The following NEXMIF variants were observed in gnomAD, a reference collection of about 807,000 sequenced individuals.
NEXMIF encodes XLMR protein related to neurite extension.
Under a neutral mutation model 62.1 loss-of-function variants are expected in NEXMIF, and 8 were observed. The observed-to-expected ratio is 0.13, with a 90% CI of 0.08 to 0.23. The LOEUF is 0.23. Ranked by LOEUF, NEXMIF falls within the 10% of genes least tolerant of loss-of-function variation. The pLI, the probability that NEXMIF is intolerant of heterozygous loss-of-function variation, is 1.00. For synonymous variants in NEXMIF, 404 were observed against 416.6 expected, an observed-to-expected ratio of 0.97 and a Z score of 0.37; for missense variants, 976 against 1,113.3, an observed-to-expected ratio of 0.88 and a Z score of 1.75.
chrX:74,888,034 C>T (rs893107772), intron 1 of NEXMIF, among the ~76,000 whole-genome samples: 6 of 109,157 alleles, frequency 5.5e-5, no homozygotes, highest in South Asian at 4.0e-4. Context: ...CAAACTATCA[C>T]AAGGACAAAA....
chrX:74,745,283 A>C (rs1207795399), intron 2 of NEXMIF, among the ~76,000 whole-genome samples: 1 of 110,741 alleles, frequency 9.0e-6, no homozygotes, highest in Non-Finnish European at 1.9e-5. Context: ...GCGCCCGGCC[A>C]CTCTAGAAGT....
At chrX:74,905,701 T>C (rs1398774393) in intron 1 of NEXMIF, among the ~76,000 whole-genome samples, 3 of 109,976 alleles carry the variant, frequency 2.7e-5, no homozygotes. Flanking sequence ...TCCCAGCTAC[T>C]TGGGAGGTTG....
chrX:74,780,061 T>A (rs1374146982), intron 1 of NEXMIF, among the ~76,000 whole-genome samples: 1 of 112,512 alleles, frequency 8.9e-6, no homozygotes, highest in African/African-American at 3.2e-5. Flanking sequence ...CCAAAGCCAG[T>A]CTGCTGTAAT....
rs769822490 is a variant in NEXMIF at position 74,743,537 on chromosome X, G to C, written c.1020C>G (p.Ser340Arg). 2 of 1,209,189 alleles carry C rather than the reference G, an allele frequency of 1.7e-6. No individual in the cohort carries two copies. Among genetic ancestry groups the C allele is most frequent in the Non-Finnish European group, 1.1e-6 (1 of 894,982 alleles). Residue 340 changes from serine to arginine, a missense_variant, in exon 3 of 4, where the codon AGC becomes AGG. By Grantham distance (110) the Ser-to-Arg change is moderately radical. Around this residue, in one of 5 missense-constraint regions of NEXMIF, gnomAD observed 639 missense variants for 694.5 expected, o/e 0.92. Coordinates refer to ENST00000055682, the MANE Select transcript of NEXMIF (RefSeq NM_001008537.3). ...QEDAQFNFFP[S>R]VFTTCPKRES... Reference sequence around the variant, plus strand: ...CTCGCTTGGGGCAGGTAGTAAAGACGCTGGGAAAAAAGTTGAATTGGGCAT... The same window carrying C: ...CTCGCTTGGGGCAGGTAGTAAAGACCCTGGGAAAAAAGTTGAATTGGGCAT...
intron 3 of NEXMIF, 140 bp downstream of exon 3, chrX:74,739,960 A>G: frequency 5.6e-6 from 3 of 534,377 alleles, no homozygotes; most frequent in Non-Finnish European, 8.8e-6. Flanking sequence ...TTTTCTTTTT[A>G]CTTTGAAAAA....
intron 1 of NEXMIF, among the ~76,000 whole-genome samples, chrX:74,802,985 G>A (rs1463854245): frequency 2.7e-5 from 3 of 109,984 alleles, no homozygotes; most frequent in East Asian, 2.9e-4. Context: ...TTGTGAGCTC[G>A]AAGACAGGCT....
chrX:74,771,824 T>C (rs771692132), intron 1 of NEXMIF, among the ~76,000 whole-genome samples: 1 of 108,767 alleles, frequency 9.2e-6, no homozygotes, highest in South Asian at 3.8e-4. Flanking sequence ...TCTCACTCTG[T>C]GTGTGTGTGT....
intron 1 of NEXMIF, among the ~76,000 whole-genome samples, chrX:74,749,193 C>T (rs756070503): frequency 1.8e-5 from 2 of 110,769 alleles, no homozygotes; most frequent in Admixed American, 9.6e-5. Flanking sequence ...TCTAGAGAGG[C>T]GGGAGATTTG....
chrX:74,820,775 C>A (rs746128885), intron 1 of NEXMIF, among the ~76,000 whole-genome samples: 2 of 111,715 alleles, frequency 1.8e-5, no homozygotes, highest in Non-Finnish European at 3.8e-5. Flanking sequence ...TTTCCTAATG[C>A]AAAACCAAAT....
chrX:74,919,010 A>T (rs990227317), intron 1 of NEXMIF, among the ~76,000 whole-genome samples: 6 of 112,600 alleles, frequency 5.3e-5, no homozygotes, highest in Admixed American at 9.4e-5. Flanking sequence ...TTGCCTGTGC[A>T]CTTCTCAAAC....
At chrX:74,836,447 T>C (rs1005108110) in intron 1 of NEXMIF, among the ~76,000 whole-genome samples, 1 of 112,309 alleles carries the variant, frequency 8.9e-6, no homozygotes, top group Non-Finnish European at 1.9e-5. Context: ...CACAGCATAC[T>C]ACTAGGGTAT....
At chrX:74,884,176 A>G (rs2080679447) in intron 1 of NEXMIF, among the ~76,000 whole-genome samples, 1 of 112,208 alleles carries the variant, frequency 8.9e-6, no homozygotes, top group Admixed American at 9.5e-5. Context: ...AACCAGTACC[A>G]GCCACTGCAA....
intron 1 of NEXMIF, among the ~76,000 whole-genome samples, chrX:74,856,338 A>T (rs1239033775): frequency 2.7e-5 from 3 of 111,930 alleles, no homozygotes; most frequent in African/African-American, 9.7e-5. Context: ...AGAAGAAAGC[A>T]TCAGTGAACT....
Position 74,735,375 on chromosome X carries a change from T to A in NEXMIF, c.*4030A>T, listed in dbSNP as rs2080082571. 8.9e-6 allele frequency: 1 copy of A among 111,838 alleles called. No homozygotes were observed. Among genetic ancestry groups the A allele is most frequent in the Non-Finnish European group, 1.9e-5 (1 of 53,208 alleles). 9.2% of individuals were successfully genotyped at this position (111,838 alleles called of 1,213,427 possible). A position where few individuals can be genotyped will look rare whatever the true frequency, so the allele number is the denominator to read the frequency against. ...TGGATCTACATCACACTGGTCCAGCTTGGTAATAGCAAGCATGGCTAAAAG... is the reference window on the plus strand; with the variant it reads ...TGGATCTACATCACACTGGTCCAGCATGGTAATAGCAAGCATGGCTAAAAG... On this transcript the variant is annotated 3_prime_UTR_variant, in exon 4 of 4. Coordinates refer to ENST00000055682, the MANE Select transcript of NEXMIF (RefSeq NM_001008537.3).
At chrX:74,753,717 A>T (rs756307689) in intron 1 of NEXMIF, among the ~76,000 whole-genome samples, 2 of 97,583 alleles carry the variant, frequency 2.0e-5, no homozygotes, top group African/African-American at 8.2e-5. Context: ...ACACACACGC[A>T]CACACACACA....
chrX:74,801,273 TATA>T (rs1325482321), intron 1 of NEXMIF, among the ~76,000 whole-genome samples: 1 of 112,181 alleles, frequency 8.9e-6, no homozygotes, highest in Non-Finnish European at 1.9e-5. Context: ...ATAATGCTAC[TATA>T]AACACTCGTG....
intron 1 of NEXMIF, among the ~76,000 whole-genome samples, chrX:74,823,824 T>C (rs781766855): frequency 9.0e-6 from 1 of 111,284 alleles, no homozygotes; most frequent in South Asian, 3.8e-4. Flanking sequence ...ACGTTAACAT[T>C]TGGGAAATCT....
intron 1 of NEXMIF, among the ~76,000 whole-genome samples, chrX:74,812,447 C>T (rs1425375986): frequency 8.9e-6 from 1 of 111,735 alleles, no homozygotes; most frequent in Non-Finnish European, 1.9e-5. Flanking sequence ...AATCTTTAAT[C>T]TTCATCGTGT....
At chrX:74,860,945 T>G (rs1249177297) in intron 1 of NEXMIF, among the ~76,000 whole-genome samples, 1 of 110,625 alleles carries the variant, frequency 9.0e-6, no homozygotes, top group Non-Finnish European at 1.9e-5. Context: ...TAACAAAAGA[T>G]CAACAAAACC....
Sources: allele counts gnomAD v4.1 joint callset (sites outside exome capture counted in the v4.1 genomes callset), GRCh38; gene constraint gnomAD v4.1.1; regional missense constraint gnomAD v4.1.1; transcripts MANE v1.5; gene names NCBI Gene and HGNC (gene_info 2026-07-23, HGNC 2026-07-21).